Variants in CACNA1B observed in about 807,000 individuals in gnomAD.
CACNA1B encodes the protein calcium voltage-gated channel subunit alpha1 B.
A neutral mutation model predicts 247.2 loss-of-function variants in CACNA1B; 70 were observed. That is an observed-to-expected ratio of 0.28 (90% CI 0.23 to 0.35). CACNA1B has a LOEUF of 0.35. Ranked by LOEUF, CACNA1B falls within the 10% of genes least tolerant of loss-of-function variation. CACNA1B has a pLI of 1.00. For synonymous variants in CACNA1B, 1,231 were observed against 1,294.4 expected (o/e 0.95, Z 1.05); for missense variants, 2,367 against 3,197.4 (o/e 0.74, Z 6.26).
chr9:138,017,751 A>G (rs1294160165), intron 18 of CACNA1B, among the ~76,000 whole-genome samples: 2 of 152,206 alleles, frequency 1.3e-5, no homozygotes, highest in African/African-American at 4.8e-5. Flanking sequence ...AGAGACACGG[A>G]AACTCCAGGG....
intron 36 of CACNA1B, among the ~76,000 whole-genome samples, chr9:138,085,550 T>C (rs1002968690): frequency 2.6e-5 from 4 of 151,124 alleles, no homozygotes; most frequent in African/African-American, 9.8e-5. Context: ...CCCCAATAGA[T>C]TCAACCAAAA....
chr9:137,885,753 G>A (rs11137292), intron 3 of CACNA1B, among the ~76,000 whole-genome samples: 17,579 of 122,292 alleles, frequency 0.14, 1,551 homozygotes, highest in East Asian at 0.37. Context: ...GCGTGAGTGC[G>A]TCTGGGCTGT....
At chr9:138,070,665 A>G (rs1046085837) in intron 32 of CACNA1B, among the ~76,000 whole-genome samples, 79 of 152,224 alleles carry the variant, frequency 5.2e-4, no homozygotes, top group African/African-American at 1.8e-3. Context: ...ATACCATTTA[A>G]TGCTGCAGAA....
chr9:138,047,922 A>G (rs1347890339), intron 23 of CACNA1B, among the ~76,000 whole-genome samples: 1 of 152,170 alleles, frequency 6.6e-6, no homozygotes, highest in East Asian at 1.9e-4. Flanking sequence ...TGAGTCCTTC[A>G]CTGTCTGCCT....
rs1554760254 is a variant in CACNA1B at position 138,112,129 on chromosome 9, G to GCACACACGTCGGA, written c.5429-259_5429-247dup. 3.6e-3 allele frequency among the ~76,000 whole-genome samples: 547 copies of GCACACACGTCGGA among 152,302 alleles called. 2 individuals carry two copies. Among genetic ancestry groups the GCACACACGTCGGA allele is most frequent in the Middle Eastern group, 0.027 (8 of 294 alleles). The stretch of plus-strand genomic sequence containing the variant: ...ACACGAACGTGCAGTGCACATGCAT[G>GCACACACGTCGGA]CACACACGTCGGACACACACGTGTG... On this transcript the variant is annotated intron_variant, in intron 39 of 46. Transcript: ENST00000371372.
At chr9:137,900,804 G>A (rs895609158) in intron 3 of CACNA1B, among the ~76,000 whole-genome samples, 9 of 141,482 alleles carry the variant, frequency 6.4e-5, no homozygotes, top group South Asian at 2.3e-4. Flanking sequence ...TGTGTGTACC[G>A]TGTGTCCCTG....
chr9:137,921,630 T>C (rs1458022963), intron 6 of CACNA1B, among the ~76,000 whole-genome samples: 47 of 142,686 alleles, frequency 3.3e-4, no homozygotes, highest in Admixed American at 8.3e-4. Flanking sequence ...AGTAAAGCGT[T>C]CGGAGAACCT....
At position 138,120,227 on chromosome 9, in the gene CACNA1B, G is replaced by C; in HGVS notation, c.6093G>C (p.Gly2031=). Residue 2031 remains glycine, a synonymous_variant, in exon 45 of 47, where the codon GGG becomes GGC. Transcript: ENST00000371372. The part of the protein sequence containing the change: ...SISTLAQRPR[G]THLCSTTPDR... ...CCACGCTGGCCCAGCGGCCCCGTGG[G>C]ACTCATCTTTGCAGCACCACCCCGG... 1 of 1,608,426 alleles carries C rather than the reference G, an allele frequency of 6.2e-7. No homozygotes were observed.
At chr9:137,993,714 C>T (rs189868251) in intron 15 of CACNA1B, among the ~76,000 whole-genome samples, 11 of 152,110 alleles carry the variant, frequency 7.2e-5, no homozygotes, top group Admixed American at 2.0e-4. Context: ...AAAAAAATTA[C>T]GAACAAAATA....
Position 137,944,633 on chromosome 9 carries a change from G to A in CACNA1B, c.967-7641G>A, listed in dbSNP as rs572360802. Among the ~76,000 whole-genome samples, 27 of 152,266 alleles carry A rather than the reference G, an allele frequency of 1.8e-4. No individual in the cohort carries two copies. In the South Asian group the frequency reaches 4.4e-3, roughly 25 times the overall value. On this transcript the variant is annotated intron_variant, in intron 6 of 46. Coordinates refer to ENST00000371372, the MANE Select transcript of CACNA1B (RefSeq NM_000718.4). Reference sequence around the variant, plus strand: ...TCTCCCCTGAGAGATCAAAGGCTAAGGTCAAAGTTTGGGACCCATCTCCAA... The same window carrying A: ...TCTCCCCTGAGAGATCAAAGGCTAAAGTCAAAGTTTGGGACCCATCTCCAA...
chr9:138,075,475 A>C (rs1960283783), intron 34 of CACNA1B, among the ~76,000 whole-genome samples: 1 of 152,272 alleles, frequency 6.6e-6, no homozygotes, highest in South Asian at 2.1e-4. Flanking sequence ...TGTTACCAAC[A>C]TAATGCCTGC....
In CACNA1B at chr9:137,971,234, T is replaced by C; in HGVS notation, c.1334-149T>C. On this transcript the variant is annotated intron_variant, in intron 10 of 46. Transcript: ENST00000371372. The surrounding 1 kb of genome is among the most constrained non-coding windows in gnomAD (Gnocchi z 4.4). ...GGCCTTGGTTCCCTCAGCTGTGAAG[T>C]GGAGGTCACAGGGGTCACTGGCACA... The C allele has an allele frequency of 1.6e-6, 1 of 634,876 alleles. No homozygotes were observed. Among genetic ancestry groups the C allele is most frequent in the Non-Finnish European group, 2.8e-6 (1 of 356,358 alleles). The allele number at this position is 634,876 out of a possible 1,614,324, so 39.3% of individuals were successfully genotyped here.
At chr9:138,087,284 C>T (rs973254895) in intron 36 of CACNA1B, among the ~76,000 whole-genome samples, 2 of 144,540 alleles carry the variant, frequency 1.4e-5, no homozygotes. Context: ...ACTCAGGAGG[C>T]TGAGGCAGGA....
rs187830268 is a variant in CACNA1B, at chr9:138,085,011, T to G, written c.5094+6753T>G. On this transcript the variant is annotated intron_variant, in intron 36 of 46. Coordinates refer to ENST00000371372, the MANE Select transcript of CACNA1B (RefSeq NM_000718.4). ...TCACCCAAGGAACATAACTCTTTAG[T>G]AGTAGACCCTAGTAAAAACTAAATT... Among the ~76,000 whole-genome samples, 136 of 148,430 alleles carry G rather than the reference T, an allele frequency of 9.2e-4. 10 individuals are homozygous for G. Among genetic ancestry groups the G allele is most frequent in the African/African-American group, 3.2e-3 (130 of 40,020 alleles).
chr9:138,028,260 T>C (rs1421263695), intron 20 of CACNA1B, among the ~76,000 whole-genome samples: 3 of 152,068 alleles, frequency 2.0e-5, no homozygotes, highest in African/African-American at 4.8e-5. Context: ...TGACCTCAAG[T>C]GATCCACCTG....
intron 31 of CACNA1B, among the ~76,000 whole-genome samples, chr9:138,064,409 AACTG>A (rs1258530969): frequency 6.6e-6 from 1 of 152,146 alleles, no homozygotes. Context: ...TGGATCTGAA[AACTG>A]ACTGGTTGAG....
chr9:138,055,305 A>T (rs1959454896), intron 26 of CACNA1B, among the ~76,000 whole-genome samples: 1 of 151,592 alleles, frequency 6.6e-6, no homozygotes, highest in African/African-American at 2.4e-5. Context: ...AATTTTTAAA[A>T]TTTTTTGTGG....
rs1183248233 is a variant in CACNA1B at position 138,059,894 on chromosome 9, G to C, written c.4668+157G>C. Among the ~76,000 whole-genome samples, 1 of 152,144 alleles carries C rather than the reference G, an allele frequency of 6.6e-6. No individual in the cohort carries two copies. Among genetic ancestry groups the C allele is most frequent in the African/African-American group, 2.4e-5 (1 of 41,420 alleles). ...GCTTCGCTCCAGGGGTGGAGTTTAG[G>C]GATTGGGTGTTACCTCAGCAGATGT... On this transcript the variant is annotated intron_variant, in intron 31 of 46. Coordinates refer to ENST00000371372, the MANE Select transcript of CACNA1B (RefSeq NM_000718.4). The surrounding 1 kb of genome is among the most constrained non-coding windows in gnomAD (Gnocchi z 4.2).
intron 20 of CACNA1B, among the ~76,000 whole-genome samples, chr9:138,031,336 T>A (rs2133450696): frequency 6.6e-6 from 1 of 152,358 alleles, no homozygotes; most frequent in African/African-American, 2.4e-5. Context: ...TATTTCTCTG[T>A]TATTAACTTC....
Sources: allele counts gnomAD v4.1 joint callset (sites outside exome capture counted in the v4.1 genomes callset), GRCh38; gene constraint gnomAD v4.1.1; non-coding constraint Gnocchi (gnomAD v3.1); transcripts MANE v1.5; gene names NCBI Gene and HGNC (gene_info 2026-07-23, HGNC 2026-07-21).